The following COL25A1 variants were observed in gnomAD, a reference collection of about 807,000 sequenced individuals.
COL25A1 encodes the protein collagen alpha-1(XXV) chain.
A neutral mutation model predicts 128.4 loss-of-function variants in COL25A1; 103 were observed. The ratio of observed to expected loss-of-function variants is 0.80; its 90% CI spans 0.68 to 0.94. COL25A1 has a LOEUF of 0.94. COL25A1 is among the 40% of genes least tolerant of loss of function. COL25A1 has a pLI of 0.00. For synonymous variants in COL25A1, 279 were observed against 277.2 expected (o/e 1.01, Z -0.06); for missense variants, 745 against 840.0 (o/e 0.89, Z 1.40).
intron 3 of COL25A1, among the ~76,000 whole-genome samples, chr4:109,094,575 C>T (rs996537280): frequency 3.3e-5 from 5 of 152,164 alleles, no homozygotes; most frequent in Admixed American, 6.5e-5. Context: ...AACTTTCTTT[C>T]GGACTTAGCT....
intron 6 of COL25A1, among the ~76,000 whole-genome samples, chr4:109,007,121 A>T (rs1259961421): frequency 6.6e-6 from 1 of 152,246 alleles, no homozygotes; most frequent in Non-Finnish European, 1.5e-5. Flanking sequence ...AGTAATTTTT[A>T]AAAAGTCAGT....
intron 20 of COL25A1, among the ~76,000 whole-genome samples, chr4:108,864,084 A>G (rs2125797150): frequency 6.6e-6 from 1 of 152,160 alleles, no homozygotes; most frequent in Non-Finnish European, 1.5e-5. Context: ...TATATATCCT[A>G]TTGGTTCTGT....
intron 8 of COL25A1, among the ~76,000 whole-genome samples, chr4:108,957,685 TAAAACTCAG>T (rs762555302): frequency 1.3e-5 from 2 of 152,226 alleles, no homozygotes; most frequent in Non-Finnish European, 2.9e-5. Context: ...AATGTTTGAA[TAAAACTCAG>T]CCTAGGACAC....
chr4:109,272,572 T>A (rs1782266490), intron 3 of COL25A1, among the ~76,000 whole-genome samples: 1 of 152,198 alleles, frequency 6.6e-6, no homozygotes, highest in Non-Finnish European at 1.5e-5. Flanking sequence ...GTTCATAAAG[T>A]TCTTTGAAAG....
chr4:109,092,365 G>A (rs998760963), intron 3 of COL25A1, among the ~76,000 whole-genome samples: 1 of 152,116 alleles, frequency 6.6e-6, no homozygotes, highest in African/African-American at 2.4e-5. Context: ...GTCTCAGGTA[G>A]TCCCAGCTAC....
chr4:108,958,358 A>G (rs531911858), intron 8 of COL25A1, among the ~76,000 whole-genome samples: 8 of 152,130 alleles, frequency 5.3e-5, no homozygotes, highest in Admixed American at 1.3e-4. Flanking sequence ...ATAACTTAAA[A>G]CATGGGTGTT....
At chr4:108,940,090 C>G (rs1217936594) in intron 10 of COL25A1, among the ~76,000 whole-genome samples, 1 of 152,080 alleles carries the variant, frequency 6.6e-6, no homozygotes, top group Non-Finnish European at 1.5e-5. Context: ...TAGTATAGGA[C>G]TTTATTGGTC....
At chr4:109,067,862 T>TA (rs1251075627) in intron 3 of COL25A1, among the ~76,000 whole-genome samples, 6 of 152,292 alleles carry the variant, frequency 3.9e-5, no homozygotes, top group Admixed American at 1.3e-4. Context: ...TCAACACAGT[T>TA]AAAGTATGTG....
At chr4:108,871,345 A>C (rs899989272) in intron 19 of COL25A1, among the ~76,000 whole-genome samples, 5 of 152,154 alleles carry the variant, frequency 3.3e-5, no homozygotes, top group Admixed American at 6.5e-5. Context: ...TTTGAGACGG[A>C]GTCTCAGTCG....
Position 109,302,272 on chromosome 4 carries a change from G to A in COL25A1, c.-160C>T. 1 of 491,008 alleles carries A rather than the reference G, an allele frequency of 2.0e-6. No individual in the cohort carries two copies. The highest frequency in any genetic ancestry group is 3.5e-6 in the Non-Finnish European group (1 of 282,980). 30.4% of individuals were successfully genotyped at this position (491,008 alleles called of 1,614,324 possible). The stretch of plus-strand genomic sequence containing the variant: ...GCACCCTCCGTCCGGGGACTGGGTG[G>A]CGGTGGGGTAAAAAGCAAGACGAAA... On this transcript the variant is annotated 5_prime_UTR_variant, in exon 1 of 38. Transcript: ENST00000399132.
At chr4:108,950,039 T>C (rs932241425) in intron 8 of COL25A1, among the ~76,000 whole-genome samples, 4 of 152,158 alleles carry the variant, frequency 2.6e-5, no homozygotes, top group Admixed American at 6.5e-5. Flanking sequence ...CAACTTCAAA[T>C]GTGGCTGGGA....
chr4:109,252,243 C>T (rs1460884634), intron 3 of COL25A1, among the ~76,000 whole-genome samples: 6 of 152,232 alleles, frequency 3.9e-5, no homozygotes, highest in Admixed American at 3.9e-4. Flanking sequence ...AATCAACCTG[C>T]CACCAGGTAG....
chr4:109,130,815 T>C (rs1010377101), intron 3 of COL25A1, among the ~76,000 whole-genome samples: 3 of 152,246 alleles, frequency 2.0e-5, no homozygotes, highest in African/African-American at 7.2e-5. Context: ...CTTTTGATCA[T>C]GTAACCCTTT....
intron 20 of COL25A1, among the ~76,000 whole-genome samples, chr4:108,867,494 C>T (rs1738077369): frequency 6.6e-6 from 1 of 152,192 alleles, no homozygotes; most frequent in African/African-American, 2.4e-5. Flanking sequence ...CCTGACAGCT[C>T]ATTATGTGAA....
chr4:108,832,978 A>AATAAATAAATAAATAAATAAATAC (rs1553944802), intron 31 of COL25A1, among the ~76,000 whole-genome samples: 8 of 150,956 alleles, frequency 5.3e-5, no homozygotes, highest in South Asian at 2.1e-4. Flanking sequence ...AAAAATAATA[A>AATAAATAAATAAATAAATAAATAC]ATAAATAAAT....
chr4:109,001,387 C>A (rs1755367237), intron 6 of COL25A1, among the ~76,000 whole-genome samples: 1 of 152,178 alleles, frequency 6.6e-6, no homozygotes, highest in Non-Finnish European at 1.5e-5. Flanking sequence ...ATCTGAGATC[C>A]TGTCAGGTAG....
chr4:109,243,442 T>G (rs1186051578), intron 3 of COL25A1, among the ~76,000 whole-genome samples: 1 of 151,980 alleles, frequency 6.6e-6, no homozygotes, highest in Non-Finnish European at 1.5e-5. Flanking sequence ...AAATTTTTTT[T>G]TTAAATCCAT....
chr4:109,300,220 G>A (rs911738982), intron 3 of COL25A1, among the ~76,000 whole-genome samples: 8 of 150,938 alleles, frequency 5.3e-5, no homozygotes, highest in African/African-American at 1.9e-4. Context: ...CAATAAGAGC[G>A]AGCCAGGAAT....
chr4:109,078,818 T>C (rs1157540008), intron 3 of COL25A1, among the ~76,000 whole-genome samples: 2 of 152,296 alleles, frequency 1.3e-5, no homozygotes, highest in African/African-American at 4.8e-5. Context: ...TACTTGCCCT[T>C]GTAATCCTGA....
Sources: allele counts gnomAD v4.1 joint callset (sites outside exome capture counted in the v4.1 genomes callset), GRCh38; gene constraint gnomAD v4.1.1; transcripts MANE v1.5; gene names NCBI Gene and HGNC (gene_info 2026-07-23, HGNC 2026-07-21).